Variants in DHRSX observed in about 807,000 individuals in gnomAD.
DHRSX encodes polyprenol dehydrogenase.
In DHRSX, 31 loss-of-function variants were observed where a neutral mutation model predicts 34.0. That is an observed-to-expected ratio of 0.91 (90% confidence interval 0.69 to 1.23). The LOEUF is 1.23. Ranked by LOEUF, DHRSX falls within the 50% of genes most tolerant of loss-of-function variation. The pLI is 0.00. For synonymous variants in DHRSX, 201 were observed against 183.8 expected (o/e 1.09, Z -0.76); for missense variants, 414 against 428.1 (o/e 0.97, Z 0.29).
At chrX:2,234,329 C>G (rs1466928378) in intron 6 of DHRSX, among the ~76,000 whole-genome samples, 1 of 150,148 alleles carries the variant, frequency 6.7e-6, no homozygotes, top group East Asian at 1.9e-4. Flanking sequence ...CACCCATGCA[C>G]ACAGCCCTGA....
intron 5 of DHRSX, among the ~76,000 whole-genome samples, chrX:2,262,361 G>A (rs1169944128): frequency 2.6e-5 from 4 of 151,928 alleles, no homozygotes; most frequent in African/African-American, 9.7e-5. Context: ...GCACGCACAT[G>A]ACTCACCTGT....
At position 2,294,748 on chromosome X, in the gene DHRSX, CAA is replaced by C. The variant is rs371902285; in HGVS notation, c.287-3147_287-3146del. ...ACAGAGAGAAATAGAGAAAAGAAGA[CAA>C]AGAGAGAGACAGAGAAAGAGAGAGA... On this transcript the variant is annotated intron_variant, in intron 3 of 6. Transcript: ENST00000334651. Among the ~76,000 whole-genome samples, 719 of 133,536 alleles carry C rather than the reference CAA, an allele frequency of 5.4e-3. 5 individuals carry two copies. Among genetic ancestry groups the C allele is most frequent in the African/African-American group, 0.019 (665 of 35,632 alleles). The allele number at this position is 133,536 out of a possible 152,430, so 87.6% of individuals were successfully genotyped here.
chrX:2,345,388 A>G lies in DHRSX; in HGVS notation c.287-53785T>C, dbSNP rs1267857789. 2.0e-5 allele frequency among the ~76,000 whole-genome samples: 3 copies of G among 147,062 alleles called. No homozygotes were observed. The South Asian group carries it at 6.3e-4, about 31-fold the overall frequency. ...CTGGGTGCAGTGGCTCACACCTATA[A>G]TCCCAGCACTTTGGGCAGCTGAGGC... On this transcript the variant is annotated intron_variant, in intron 3 of 6. Transcript: ENST00000334651.
chrX:2,442,057 T>C (rs1482382380), intron 1 of DHRSX, among the ~76,000 whole-genome samples: 3 of 152,184 alleles, frequency 2.0e-5, no homozygotes, highest in African/African-American at 7.2e-5. Context: ...ATGTATTTTG[T>C]ATTTATATAT....
chrX:2,454,083 T>C (rs1317047065), intron 1 of DHRSX, among the ~76,000 whole-genome samples: 3 of 152,198 alleles, frequency 2.0e-5, no homozygotes, highest in African/African-American at 7.2e-5. Flanking sequence ...ATGACTTGCA[T>C]TTCCAGGCAG....
rs1448754802 is a variant in DHRSX at position 2,255,597 on chromosome X, A to G, written c.596+11143T>C. ...ACTGAGGGACGTCAGAGTGAAATAA[A>G]GAATTTCTTAAATAGGTAGAGAATC... On this transcript the variant is annotated intron_variant, in intron 5 of 6. Transcript: ENST00000334651. Among the ~76,000 whole-genome samples, 3 of 152,284 alleles carry G rather than the reference A, an allele frequency of 2.0e-5. No homozygotes were observed. The East Asian group carries it at 5.8e-4, about 29-fold the overall frequency.
At chrX:2,475,600 A>G (rs1223433907) in intron 1 of DHRSX, among the ~76,000 whole-genome samples, 3 of 151,500 alleles carry the variant, frequency 2.0e-5, no homozygotes, top group African/African-American at 7.3e-5. Flanking sequence ...CATGTGGCCA[A>G]GGGATCACAC....
At chrX:2,261,827 A>G (rs1476206300) in intron 5 of DHRSX, 2 of 152,174 alleles carry the variant, frequency 1.3e-5, no homozygotes, top group Non-Finnish European at 2.9e-5. Context: ...ATCAACCCCA[A>G]AGTGAGCTCT....
At chrX:2,492,122 C>A (rs35528491) in intron 1 of DHRSX, among the ~76,000 whole-genome samples, 18,169 of 152,156 alleles carry the variant, frequency 0.12, 1,694 homozygotes, top group East Asian at 0.54. Flanking sequence ...GGTTGAAAAG[C>A]GTCCTCCCCT....
intron 3 of DHRSX, among the ~76,000 whole-genome samples, chrX:2,352,429 T>C (rs964490488): frequency 3.3e-5 from 5 of 152,126 alleles, no homozygotes; most frequent in African/African-American, 1.2e-4. Context: ...AGGTGCTTCA[T>C]CAACAGAGGT....
intron 1 of DHRSX, among the ~76,000 whole-genome samples, chrX:2,446,946 C>G (rs1465589057): frequency 6.6e-6 from 1 of 151,986 alleles, no homozygotes; most frequent in African/African-American, 2.4e-5. Flanking sequence ...CGCACTGAAG[C>G]CATGTACGCA....
intron 3 of DHRSX, among the ~76,000 whole-genome samples, chrX:2,310,571 A>AG: frequency 6.8e-6 from 1 of 146,304 alleles, no homozygotes; most frequent in South Asian, 2.1e-4. Context: ...TGAGAGAGAG[A>AG]GAGAGAGGGA....
At chrX:2,330,166 AGGT>A (rs2042446210) in intron 3 of DHRSX, among the ~76,000 whole-genome samples, 2 of 124,046 alleles carry the variant, frequency 1.6e-5, no homozygotes, top group Non-Finnish European at 3.3e-5. Flanking sequence ...AAGGAGGAGG[AGGT>A]GAAAGAGGAG....
intron 3 of DHRSX, among the ~76,000 whole-genome samples, chrX:2,377,165 TAGAA>T (rs1206219362): frequency 1.1e-4 from 17 of 152,072 alleles, no homozygotes; most frequent in Non-Finnish European, 2.4e-4. Flanking sequence ...ACTGTCTTCA[TAGAA>T]AGACAGTCAC....
chrX:2,496,867 AATT>A (rs1471337558), intron 1 of DHRSX, among the ~76,000 whole-genome samples: 1 of 148,880 alleles, frequency 6.7e-6, no homozygotes, highest in Non-Finnish European at 1.5e-5. Flanking sequence ...GAAAAGTATA[AATT>A]ATTCTAAAAA....
At chrX:2,367,219 C>T (rs1212814955) in intron 3 of DHRSX, among the ~76,000 whole-genome samples, 2 of 152,006 alleles carry the variant, frequency 1.3e-5, no homozygotes, top group African/African-American at 4.8e-5. Context: ...GTGGGCGGAT[C>T]ACAAAGTCAG....
intron 3 of DHRSX, among the ~76,000 whole-genome samples, chrX:2,399,743 C>CAAAAAAAAAAAAAAAAAAA (rs951340315): frequency 2.1e-3 from 114 of 54,636 alleles, no homozygotes; most frequent in African/African-American, 3.6e-3. Flanking sequence ...AAAAAAAAAA[C>CAAAAAAAAAAAAAAAAAAA]AAAAAAACAC....
intron 1 of DHRSX, among the ~76,000 whole-genome samples, chrX:2,475,340 A>G (rs1256963172): frequency 6.6e-6 from 1 of 151,542 alleles, no homozygotes; most frequent in African/African-American, 2.4e-5. Flanking sequence ...TTCCCTAAGC[A>G]TGCGGCTAAG....
At chrX:2,379,521 C>G (rs1188286197) in intron 3 of DHRSX, among the ~76,000 whole-genome samples, 1 of 150,088 alleles carries the variant, frequency 6.7e-6, no homozygotes, top group Non-Finnish European at 1.5e-5. Flanking sequence ...GAAATTCCCC[C>G]GTAAAAGACG....
Sources: gnomAD v4.1 joint callset for allele counts (sites outside exome capture counted in the v4.1 genomes callset) on GRCh38, gnomAD v4.1.1 for gene constraint, MANE v1.5 for transcripts, NCBI Gene and HGNC (gene_info 2026-07-23, HGNC 2026-07-21) for gene names.